The following EPB41L4B variants were observed in gnomAD, a reference collection of about 807,000 sequenced individuals.
EPB41L4B encodes band 4.1-like protein 4B.
A neutral mutation model predicts 112.5 loss-of-function variants in EPB41L4B; 30 were observed. The observed-to-expected ratio is 0.27, with a 90% CI of 0.20 to 0.36. The LOEUF is 0.36. Ranked by LOEUF, EPB41L4B falls within the 10% of genes least tolerant of loss-of-function variation. The pLI, the probability that EPB41L4B is intolerant of heterozygous loss-of-function variation, is 1.00. For synonymous variants in EPB41L4B, 408 were observed against 439.7 expected, an observed-to-expected ratio of 0.93 and a Z score of 0.90; for missense variants, 1,024 against 1,133.3, an observed-to-expected ratio of 0.90 and a Z score of 1.38.
chr9:109,192,783 T>C (rs571404331), intron 21 of EPB41L4B, among the ~76,000 whole-genome samples: 1 of 152,258 alleles, frequency 6.6e-6, no homozygotes, highest in South Asian at 2.1e-4. Context: ...TGATGGCATG[T>C]GGATTATGTT....
chr9:109,240,998 CT>C, intron 15 of EPB41L4B: 15 of 985,322 alleles, frequency 1.5e-5, no homozygotes, highest in Non-Finnish European at 1.8e-5. Context: ...CAAAGTCCCC[CT>C]GTATCTATAT....
chr9:109,250,322 C>T (rs547332073), intron 13 of EPB41L4B, among the ~76,000 whole-genome samples: 4 of 152,236 alleles, frequency 2.6e-5, no homozygotes, highest in East Asian at 1.9e-4. Flanking sequence ...CCTCGCTCAC[C>T]GGGGTATCTG....
chr9:109,226,700 AT>A (rs1661290089), intron 15 of EPB41L4B, among the ~76,000 whole-genome samples: 1 of 141,586 alleles, frequency 7.1e-6, no homozygotes, highest in Non-Finnish European at 1.5e-5. Flanking sequence ...ATATATGAAT[AT>A]ATATATGAAG....
intron 14 of EPB41L4B, among the ~76,000 whole-genome samples, chr9:109,244,608 T>C (rs1397216469): frequency 6.6e-6 from 1 of 151,920 alleles, no homozygotes; most frequent in Non-Finnish European, 1.5e-5. Flanking sequence ...CCCGCTAATT[T>C]TGAAGGAAGT....
At chr9:109,296,920 G>C (rs1836752564) in intron 1 of EPB41L4B, among the ~76,000 whole-genome samples, 1 of 150,814 alleles carries the variant, frequency 6.6e-6, no homozygotes, top group Non-Finnish European at 1.5e-5. Flanking sequence ...ATGGCTAAGA[G>C]ACAGGGTAGT....
intron 15 of EPB41L4B, chr9:109,239,868 T>G (rs113977253): frequency 1.0e-6 from 1 of 985,412 alleles, no homozygotes; most frequent in African/African-American, 1.7e-5. Context: ...ACAGGACTAT[T>G]ACTGAGGAAA....
chr9:109,314,169 G>A (rs1425184657), intron 1 of EPB41L4B, among the ~76,000 whole-genome samples: 1 of 152,206 alleles, frequency 6.6e-6, no homozygotes, highest in Non-Finnish European at 1.5e-5. Flanking sequence ...GAGAGGCCCG[G>A]GGAGGAGCCC....
chr9:109,246,367 C>G (rs1315536415), intron 14 of EPB41L4B, among the ~76,000 whole-genome samples: 1 of 152,110 alleles, frequency 6.6e-6, no homozygotes, highest in African/African-American at 2.4e-5. Flanking sequence ...ACTATGTTGC[C>G]CAGACCGGTC....
chr9:109,302,085 C>A (rs1349616568), intron 1 of EPB41L4B, among the ~76,000 whole-genome samples: 2 of 152,200 alleles, frequency 1.3e-5, no homozygotes, highest in African/African-American at 2.4e-5. Context: ...CCCAGAGAAG[C>A]AAGGTAGACC....
chr9:109,265,586 C>T (rs938734210), intron 4 of EPB41L4B, among the ~76,000 whole-genome samples: 5 of 151,796 alleles, frequency 3.3e-5, no homozygotes, highest in African/African-American at 9.7e-5. Context: ...CAAGAAAAAT[C>T]CTGGCACTGG....
chr9:109,288,545 C>A (rs1030289576), intron 1 of EPB41L4B, among the ~76,000 whole-genome samples: 4 of 151,612 alleles, frequency 2.6e-5, no homozygotes, highest in African/African-American at 9.7e-5. Flanking sequence ...ACGGTGAAAC[C>A]CTGTTTCTAC....
intron 15 of EPB41L4B, among the ~76,000 whole-genome samples, chr9:109,228,789 C>T (rs144045488): frequency 2.8e-4 from 43 of 152,222 alleles, no homozygotes; most frequent in Non-Finnish European, 5.3e-4. Flanking sequence ...AAGTTCTGTG[C>T]CGCTTTCTTT....
chr9:109,271,717 C>G (rs1277368829), intron 2 of EPB41L4B, among the ~76,000 whole-genome samples: 1 of 152,158 alleles, frequency 6.6e-6, no homozygotes, highest in Non-Finnish European at 1.5e-5. Context: ...TGGGTAAACG[C>G]CAAGGCAAAC....
Position 109,243,664 on chromosome 9 carries a change from T to A in EPB41L4B, c.1363A>T (p.Ile455Phe). Residue 455 changes from isoleucine (I) to phenylalanine (F), a missense_variant, in exon 15 of 26, where the codon ATC (isoleucine) becomes TTC (phenylalanine). Coordinates refer to ENST00000374566, the MANE Select transcript of EPB41L4B (RefSeq NM_019114.5). ...TGCCACCGGGGCTGGCTGGGATGGA[T>A]ATTAGGATGATATTGAGGCTAGAAA... The part of the protein sequence containing the change: ...HNYQPQYHPN[I>F]HPSQPRWHPH... 1 of 1,614,184 alleles carries A rather than the reference T, an allele frequency of 6.2e-7. No individual in the cohort carries two copies. The highest frequency in any genetic ancestry group is 8.5e-7 in the Non-Finnish European group (1 of 1,180,030).
At chr9:109,249,070 AAAAT>A (rs903817949) in intron 13 of EPB41L4B, among the ~76,000 whole-genome samples, 10 of 144,744 alleles carry the variant, frequency 6.9e-5, no homozygotes, top group African/African-American at 2.3e-4. Context: ...AAAAAAAAAA[AAAAT>A]ATATATATAT....
chr9:109,209,934 C>T (rs1159493262), intron 17 of EPB41L4B, among the ~76,000 whole-genome samples: 1 of 152,206 alleles, frequency 6.6e-6, no homozygotes, highest in Non-Finnish European at 1.5e-5. Flanking sequence ...TACTCCAAAG[C>T]CAGAGCTCCT....
intron 1 of EPB41L4B, among the ~76,000 whole-genome samples, chr9:109,282,973 C>T (rs1038073139): frequency 3.9e-5 from 6 of 151,930 alleles, no homozygotes; most frequent in South Asian, 2.1e-4. Context: ...TGAGCCACCG[C>T]GCCCGGCCAA....
chr9:109,262,973 G>T, intron 6 of EPB41L4B, 77 bp downstream of exon 6: 2 of 1,006,758 alleles, frequency 2.0e-6, no homozygotes, highest in Non-Finnish European at 3.0e-6. Context: ...ACTGGGCCTG[G>T]TATACTGTGG....
intron 20 of EPB41L4B, among the ~76,000 whole-genome samples, chr9:109,195,406 T>C (rs2118709145): frequency 6.6e-6 from 1 of 152,294 alleles, no homozygotes; most frequent in African/African-American, 2.4e-5. Flanking sequence ...TTTTAGATTA[T>C]TCTGTGTATG....
Sources: gnomAD v4.1 joint callset for allele counts (sites outside exome capture counted in the v4.1 genomes callset) on GRCh38, gnomAD v4.1.1 for gene constraint, MANE v1.5 for transcripts, NCBI Gene and HGNC (gene_info 2026-07-23, HGNC 2026-07-21) for gene names.